The following IGF2BP2 variants were observed in gnomAD, a reference collection of about 807,000 sequenced individuals.
IGF2BP2 encodes insulin-like growth factor 2 mRNA-binding protein 2.
A neutral mutation model predicts 75.8 loss-of-function variants in IGF2BP2; 17 were observed. The observed-to-expected ratio is 0.22, with a 90% CI of 0.15 to 0.34. IGF2BP2 has a LOEUF of 0.34. Among genes scored for constraint, IGF2BP2 ranks in the 10% least tolerant of loss-of-function variants. The probability of loss-of-function intolerance (pLI) is 1.00; values close to 1 mark genes in which losing one functional copy is unlikely to be tolerated. For missense variants in IGF2BP2, 516 were observed against 772.4 expected (o/e 0.67, Z 3.93); for synonymous variants, 288 against 295.6 (o/e 0.97, Z 0.26).
intron 2 of IGF2BP2, among the ~76,000 whole-genome samples, chr3:185,734,220 C>T (rs1252862607): frequency 6.6e-6 from 1 of 152,158 alleles, no homozygotes; most frequent in African/African-American, 2.4e-5. Flanking sequence ...ATAGGTGAAA[C>T]GTGTTCACAT....
chr3:185,788,087 A>C (rs147176995), intron 2 of IGF2BP2, among the ~76,000 whole-genome samples: 24 of 152,324 alleles, frequency 1.6e-4, no homozygotes, highest in African/African-American at 5.5e-4. Flanking sequence ...CTCTGTTCCT[A>C]CAACAGGGCT....
chr3:185,811,928 A>G (rs956295583), intron 2 of IGF2BP2, among the ~76,000 whole-genome samples: 4 of 151,528 alleles, frequency 2.6e-5, no homozygotes, highest in African/African-American at 9.7e-5. Context: ...CTTTAACAAC[A>G]CGTAGCTAAA....
intron 2 of IGF2BP2, among the ~76,000 whole-genome samples, chr3:185,798,407 T>C (rs1737728056): frequency 6.6e-6 from 1 of 152,188 alleles, no homozygotes; most frequent in Non-Finnish European, 1.5e-5. Context: ...ATTCTACGAG[T>C]ACAAATAGTG....
chr3:185,756,437 A>G (rs1731629926), intron 2 of IGF2BP2, among the ~76,000 whole-genome samples: 1 of 152,192 alleles, frequency 6.6e-6, no homozygotes, highest in African/African-American at 2.4e-5. Context: ...ATCTTTGATT[A>G]TTCCTCTTAC....
chr3:185,818,964 C>A (rs1041389831), intron 2 of IGF2BP2, among the ~76,000 whole-genome samples: 1 of 151,902 alleles, frequency 6.6e-6, no homozygotes, highest in African/African-American at 2.4e-5. Context: ...TTCTGATATG[C>A]AATTTGTTCT....
intron 2 of IGF2BP2, 58 bp downstream of exon 2, chr3:185,823,095 G>C (rs1385535020): frequency 1.7e-6 from 2 of 1,200,500 alleles, no homozygotes; most frequent in Non-Finnish European, 2.4e-6. Context: ...CTGTGTGTAC[G>C]TTTTTTACTT....
intron 2 of IGF2BP2, among the ~76,000 whole-genome samples, chr3:185,720,916 C>G (rs922173325): frequency 3.3e-5 from 5 of 152,152 alleles, no homozygotes; most frequent in Non-Finnish European, 5.9e-5. Context: ...CATTACAGTG[C>G]AGCAGACACA....
intron 2 of IGF2BP2, among the ~76,000 whole-genome samples, chr3:185,813,776 C>T (rs917328018): frequency 6.6e-6 from 1 of 152,168 alleles, no homozygotes; most frequent in Non-Finnish European, 1.5e-5. Flanking sequence ...CACACACATG[C>T]CTCCCCAGCT....
chr3:185,755,717 G>A (rs1337225375), intron 2 of IGF2BP2, among the ~76,000 whole-genome samples: 1 of 152,352 alleles, frequency 6.6e-6, no homozygotes, highest in East Asian at 1.9e-4. Flanking sequence ...CTGGGTTTCA[G>A]ACTTGCATGG....
chr3:185,703,324 A>G (rs911602045), intron 2 of IGF2BP2, among the ~76,000 whole-genome samples: 2 of 152,226 alleles, frequency 1.3e-5, no homozygotes, highest in Non-Finnish European at 2.9e-5. Context: ...GAGGTAACAG[A>G]AGGTTCCAAC....
At chr3:185,763,295 T>C (rs1447693837) in intron 2 of IGF2BP2, among the ~76,000 whole-genome samples, 1 of 152,212 alleles carries the variant, frequency 6.6e-6, no homozygotes, top group East Asian at 1.9e-4. Context: ...TTTTTCTCTC[T>C]TCAAGGCTGA....
At chr3:185,732,512 G>A (rs1349313456) in intron 2 of IGF2BP2, among the ~76,000 whole-genome samples, 4 of 152,122 alleles carry the variant, frequency 2.6e-5, no homozygotes, top group Admixed American at 1.3e-4. Context: ...CTGTAAAACT[G>A]AGATCCAAAT....
At chr3:185,722,956 T>C (rs1262852574) in intron 2 of IGF2BP2, among the ~76,000 whole-genome samples, 1 of 152,216 alleles carries the variant, frequency 6.6e-6, no homozygotes, top group East Asian at 1.9e-4. Context: ...AGAAAACTCT[T>C]GGCCATAAAA....
chr3:185,738,535 C>T (rs1290787191), intron 2 of IGF2BP2, among the ~76,000 whole-genome samples: 1 of 152,114 alleles, frequency 6.6e-6, no homozygotes, highest in Admixed American at 6.6e-5. Flanking sequence ...GAGGGGAGAA[C>T]GAAAGAGATG....
At chr3:185,749,167 GAAAAAAGAA>G (rs919415239) in intron 2 of IGF2BP2, among the ~76,000 whole-genome samples, 57 of 150,280 alleles carry the variant, frequency 3.8e-4, no homozygotes, top group Non-Finnish European at 4.1e-4. Flanking sequence ...CCGTCTAAAA[GAAAAAAGAA>G]AAAAAAGAAA....
intron 2 of IGF2BP2, chr3:185,722,115 G>A (rs923686291): frequency 7.4e-6 from 1 of 134,822 alleles, no homozygotes; most frequent in Non-Finnish European, 1.4e-5. Context: ...TTTTTTTTTT[G>A]TAGAGAGAGT....
rs576424496 is a variant in IGF2BP2, at chr3:185,796,068, A to T, written c.239+27085T>A. Among the ~76,000 whole-genome samples, 3 of 152,308 alleles carry T rather than the reference A, an allele frequency of 2.0e-5. No homozygotes were observed. In the East Asian group the frequency reaches 5.8e-4, roughly 29 times the overall value. On this transcript the variant is annotated intron_variant, in intron 2 of 15. Transcript: ENST00000382199. ...ACATTAACACAGGACATACTTTTTGATGTCCGAGTATGAATTTCCACAGGC... is the reference window on the plus strand; with the variant it reads ...ACATTAACACAGGACATACTTTTTGTTGTCCGAGTATGAATTTCCACAGGC...
At chr3:185,766,063 T>C (rs1240346464) in intron 2 of IGF2BP2, among the ~76,000 whole-genome samples, 1 of 152,110 alleles carries the variant, frequency 6.6e-6, no homozygotes, top group Non-Finnish European at 1.5e-5. Flanking sequence ...GGAGAAAATG[T>C]GGAGGTTCTA....
At chr3:185,676,739 T>C (rs1036289378) in intron 7 of IGF2BP2, among the ~76,000 whole-genome samples, 2 of 131,740 alleles carry the variant, frequency 1.5e-5, no homozygotes, top group Non-Finnish European at 3.2e-5. Context: ...GATGTATATA[T>C]ATATATATTT....
Sources: allele counts gnomAD v4.1 joint callset (sites outside exome capture counted in the v4.1 genomes callset), GRCh38; gene constraint gnomAD v4.1.1; transcripts MANE v1.5; gene names NCBI Gene and HGNC (gene_info 2026-07-23, HGNC 2026-07-21).